Variants in ADAMTS3 observed in about 807,000 individuals in gnomAD.
ADAMTS3 encodes ADAM metallopeptidase with thrombospondin type 1 motif 3.
ADAMTS3 carries 73 observed loss-of-function variants against 129.0 expected under a neutral mutation model. The observed-to-expected ratio is 0.57, with a 90% CI of 0.47 to 0.69. ADAMTS3 has a LOEUF of 0.69. ADAMTS3 is among the 30% of genes least tolerant of loss of function. The probability of loss-of-function intolerance (pLI) is 0.00; values close to 1 mark genes in which losing one functional copy is unlikely to be tolerated. For synonymous variants in ADAMTS3, 477 were observed against 510.8 expected (o/e 0.93, Z 0.89); for missense variants, 1,457 against 1,514.5 (o/e 0.96, Z 0.63).
In ADAMTS3 at chr4:72,290,935, T is replaced by G; in HGVS notation, c.2851A>C (p.Met951Leu). The G allele has an allele frequency of 6.2e-7, 1 of 1,614,074 alleles. No individual in the cohort carries two copies. Among genetic ancestry groups the G allele is most frequent in the South Asian group, 1.1e-5 (1 of 91,078 alleles). ...CGGCGGCTCTCGGGACGGTCACCCA[T>G]GCAGTATTTGCTGTGCACAGAGCGG... ...TNRSVHSKYC[M>L]GDRPESRRPC... The change falls in exon 20 of 22, where the codon ATG becomes CTG. Residue 951 changes from methionine (M) to leucine (L), a missense_variant. Coordinates refer to ENST00000286657, the MANE Select transcript of ADAMTS3 (RefSeq NM_014243.3).
In ADAMTS3 at chr4:72,319,302, T is replaced by C. The variant is rs763793850; in HGVS notation, c.1352+30A>G. On this transcript the variant is annotated intron_variant, in intron 9 of 21. Transcript: ENST00000286657. ...TCATGTCTGTAGGCTATAAAATAAA[T>C]ACTTTCATGACATGCAGCAGGGGAC... 3.7e-6 allele frequency: 6 copies of C among 1,612,608 alleles called. No homozygotes were observed. The Admixed American group carries it at 8.4e-5, about 22-fold the overall frequency.
At chr4:72,483,727 G>A (rs1386339230) in intron 3 of ADAMTS3, among the ~76,000 whole-genome samples, 2 of 152,136 alleles carry the variant, frequency 1.3e-5, no homozygotes, top group Non-Finnish European at 2.9e-5. Flanking sequence ...CCTTCATTAA[G>A]ATAGCATTTG....
At chr4:72,478,882 A>G (rs1180657514) in intron 3 of ADAMTS3, among the ~76,000 whole-genome samples, 1 of 151,824 alleles carries the variant, frequency 6.6e-6, no homozygotes, top group African/African-American at 2.4e-5. Context: ...AATCACAAGC[A>G]TTCTTATACA....
rs1288323157 is a variant in ADAMTS3 at position 72,548,471 on chromosome 4, G to C, written c.504+7C>G. 6.2e-7 allele frequency: 1 copy of C among 1,612,430 alleles called. No individual in the cohort carries two copies. Among genetic ancestry groups the C allele is most frequent in the African/African-American group, 1.3e-5 (1 of 74,884 alleles). ...CAAACATACGCACAAAACAGAAGGAGTCTTACCAGACCATCACAGTTGCTG... is the reference window on the plus strand; with the variant it reads ...CAAACATACGCACAAAACAGAAGGACTCTTACCAGACCATCACAGTTGCTG... On this transcript the variant is annotated splice_region_variant and intron_variant, in intron 3 of 21. Transcript: ENST00000286657.
chr4:72,288,309 C>G (rs1041584457), intron 21 of ADAMTS3, among the ~76,000 whole-genome samples: 1 of 152,150 alleles, frequency 6.6e-6, no homozygotes, highest in African/African-American at 2.4e-5. Context: ...TATGGACAGA[C>G]AGTTATTGGA....
intron 3 of ADAMTS3, among the ~76,000 whole-genome samples, chr4:72,538,120 C>T (rs1386727746): frequency 6.6e-6 from 1 of 152,098 alleles, no homozygotes; most frequent in Non-Finnish European, 1.5e-5. Flanking sequence ...GAAAAGTGAA[C>T]AGAGGCTAAA....
At chr4:72,412,206 T>C (rs1202441409) in intron 4 of ADAMTS3, among the ~76,000 whole-genome samples, 2 of 152,072 alleles carry the variant, frequency 1.3e-5, no homozygotes, top group Admixed American at 6.6e-5. Context: ...TTTCATTCCA[T>C]GTAAGGCTTA....
In ADAMTS3 at chr4:72,484,000, A is replaced by G. The variant is rs1285614103; in HGVS notation, c.504+64478T>C. Reference sequence around the variant, plus strand: ...ACCATTGCACTCCAGCCCGGGTGACAGAGCAGGACTCCGTCTCAAAAAAGA... The same window carrying G: ...ACCATTGCACTCCAGCCCGGGTGACGGAGCAGGACTCCGTCTCAAAAAAGA... On this transcript the variant is annotated intron_variant, in intron 3 of 21. Transcript: ENST00000286657. 3.2e-4 allele frequency among the ~76,000 whole-genome samples: 48 copies of G among 152,114 alleles called. 1 individual carries two copies. The highest frequency in any genetic ancestry group is 3.1e-3 in the Admixed American group (48 of 15,264).
chr4:72,288,937 C>CACACACAT, intron 20 of ADAMTS3, 69 bp from the exon 21 acceptor site: 2 of 717,208 alleles, frequency 2.8e-6, no homozygotes, highest in Non-Finnish European at 4.9e-6. Context: ...CACACACACA[C>CACACACAT]ACACACACAC....
At position 72,315,917 on chromosome 4, in the gene ADAMTS3, A is replaced by G. The variant is rs1201512554; in HGVS notation, c.1540T>C (p.Tyr514His). The stretch of plus-strand genomic sequence containing the variant: ...GGTCCCTTTTTAGTCTTACAAAAGT[A>G]GGGATTATCAGGATGGCTACACCAC... ...QLWCSHPDNP[Y>H]FCKTKKGPPL... The change falls in exon 11 of 22, where the codon TAC becomes CAC. Residue 514 changes from tyrosine to histidine, a missense_variant. Tyr to His is a moderately conservative substitution (Grantham distance 83). Transcript: ENST00000286657. The G allele has an allele frequency of 5.6e-6, 9 of 1,613,722 alleles. No homozygotes were observed. The highest frequency in any genetic ancestry group is 2.2e-5 in the South Asian group (2 of 91,048).
At chr4:72,348,276 C>A (rs1173419045) in intron 4 of ADAMTS3, among the ~76,000 whole-genome samples, 1 of 151,720 alleles carries the variant, frequency 6.6e-6, no homozygotes, top group Non-Finnish European at 1.5e-5. Context: ...AGGGACAAGG[C>A]GAGGGAGGCA....
At position 72,282,249 on chromosome 4, in the gene ADAMTS3, G is replaced by C. The variant is rs1718369172; in HGVS notation, c.*887C>G. 1 of 152,068 alleles carries C rather than the reference G, an allele frequency of 6.6e-6. No individual in the cohort carries two copies. The highest frequency in any genetic ancestry group is 2.4e-5 in the African/African-American group (1 of 41,396). 9.4% of individuals were successfully genotyped at this position (152,068 alleles called of 1,614,324 possible). On this transcript the variant is annotated 3_prime_UTR_variant, in exon 22 of 22. Transcript: ENST00000286657. ...CACAAAAACAAAGGACACCTCAACG[G>C]TGCCTACTGAGGTCCTGGAAAGAGG...
At chr4:72,400,380 A>G (rs2109907529) in intron 4 of ADAMTS3, among the ~76,000 whole-genome samples, 1 of 137,422 alleles carries the variant, frequency 7.3e-6, no homozygotes, top group African/African-American at 2.7e-5. Flanking sequence ...CACGGTGTGT[A>G]TATATACGTG....
intron 3 of ADAMTS3, among the ~76,000 whole-genome samples, chr4:72,526,397 T>C (rs1310467705): frequency 6.6e-6 from 1 of 152,186 alleles, no homozygotes; most frequent in East Asian, 1.9e-4. Flanking sequence ...GTTCCACTTA[T>C]TAATTACTAA....
At chr4:72,413,083 GA>G (rs917650722) in intron 4 of ADAMTS3, among the ~76,000 whole-genome samples, 2 of 151,504 alleles carry the variant, frequency 1.3e-5, no homozygotes, top group African/African-American at 2.4e-5. Flanking sequence ...ATTACTTCAA[GA>G]AAAAAACTCT....
intron 4 of ADAMTS3, among the ~76,000 whole-genome samples, chr4:72,368,969 CTA>C (rs1720937119): frequency 6.6e-6 from 1 of 152,182 alleles, no homozygotes; most frequent in Non-Finnish European, 1.5e-5. Flanking sequence ...TTTCGCTACA[CTA>C]TACTGACTCT....
chr4:72,526,118 C>T (rs906948313), intron 3 of ADAMTS3, among the ~76,000 whole-genome samples: 1 of 152,218 alleles, frequency 6.6e-6, no homozygotes, highest in Non-Finnish European at 1.5e-5. Context: ...GGCCAATTCA[C>T]TAACCCCTTC....
intron 15 of ADAMTS3, 28 bp from the exon 16 acceptor site, chr4:72,306,095 A>T (rs1180210626): frequency 2.6e-6 from 4 of 1,547,668 alleles, no homozygotes; most frequent in Non-Finnish European, 3.5e-6. Context: ...ATATTGTAGG[A>T]AGCAAAGAAG....
At chr4:72,475,396 C>CAT in intron 3 of ADAMTS3, among the ~76,000 whole-genome samples, 1 of 151,798 alleles carries the variant, frequency 6.6e-6, no homozygotes, top group Middle Eastern at 3.4e-3. Context: ...AGAGCAAAAA[C>CAT]ATATATATAT....
Sources: allele counts gnomAD v4.1 joint callset (sites outside exome capture counted in the v4.1 genomes callset), GRCh38; gene constraint gnomAD v4.1.1; transcripts MANE v1.5; gene names NCBI Gene and HGNC (gene_info 2026-07-23, HGNC 2026-07-21).